Variants in NAALADL2 observed in about 807,000 individuals in gnomAD.
The protein encoded by NAALADL2 is inactive N-acetylated-alpha-linked acidic dipeptidase-like protein 2.
A neutral mutation model predicts 87.2 loss-of-function variants in NAALADL2; 76 were observed. That is an observed-to-expected ratio of 0.87 (90% CI 0.72 to 1.05). The LOEUF (loss-of-function observed/expected upper bound fraction) is 1.05, where lower values mean the gene tolerates loss of function less well. Ranked by LOEUF, NAALADL2 falls within the 50% of genes least tolerant of loss-of-function variation. The probability of loss-of-function intolerance (pLI) is 0.00; values close to 1 mark genes in which losing one functional copy is unlikely to be tolerated. For synonymous variants in NAALADL2, 354 were observed against 331.0 expected, an observed-to-expected ratio of 1.07 and a Z score of -0.75; for missense variants, 1,089 against 945.8, an observed-to-expected ratio of 1.15 and a Z score of -1.99.
chr3:174,951,380 T>A (rs141075742), intron 1 of NAALADL2, among the ~76,000 whole-genome samples: 13 of 152,168 alleles, frequency 8.5e-5, no homozygotes, highest in African/African-American at 2.9e-4. Context: ...GCTCACATTA[T>A]GAACAAATAT....
At chr3:174,600,361 A>G (rs1718320478) in intron 2 of NAALADL2, among the ~76,000 whole-genome samples, 1 of 152,128 alleles carries the variant, frequency 6.6e-6, no homozygotes, top group Admixed American at 6.6e-5. Context: ...ATAGTTGGTC[A>G]AATACAGTTG....
intron 5 of NAALADL2, among the ~76,000 whole-genome samples, chr3:175,351,287 A>G (rs1339140324): frequency 6.6e-6 from 1 of 152,118 alleles, no homozygotes; most frequent in Non-Finnish European, 1.5e-5. Context: ...ACTCATGATC[A>G]AGTAAATTGA....
intron 2 of NAALADL2, among the ~76,000 whole-genome samples, chr3:174,676,947 A>G (rs1354576313): frequency 6.6e-6 from 1 of 151,918 alleles, no homozygotes; most frequent in Non-Finnish European, 1.5e-5. Context: ...GGTATATATA[A>G]TTATATTCAT....
chr3:175,177,933 T>C (rs1317712944), intron 2 of NAALADL2, among the ~76,000 whole-genome samples: 1 of 151,396 alleles, frequency 6.6e-6, no homozygotes, highest in African/African-American at 2.4e-5. Context: ...TATTGTCTAT[T>C]AATAGGCTGT....
At chr3:174,880,001 C>T (rs1436114352) in intron 1 of NAALADL2, among the ~76,000 whole-genome samples, 1 of 152,014 alleles carries the variant, frequency 6.6e-6, no homozygotes, top group African/African-American at 2.4e-5. Flanking sequence ...ATTTATTAGT[C>T]ACTCCTTGTT....
chr3:175,325,288 A>G (rs1303313130), intron 5 of NAALADL2, among the ~76,000 whole-genome samples: 1 of 152,228 alleles, frequency 6.6e-6, no homozygotes, highest in Non-Finnish European at 1.5e-5. Flanking sequence ...CATATGAATT[A>G]TAACTTATGA....
intron 2 of NAALADL2, among the ~76,000 whole-genome samples, chr3:174,559,731 A>G (rs779189599): frequency 6.6e-6 from 1 of 152,166 alleles, no homozygotes; most frequent in Admixed American, 6.5e-5. Context: ...GAAAGAAGGC[A>G]GGAGGGTCCC....
intron 2 of NAALADL2, among the ~76,000 whole-genome samples, chr3:174,694,976 G>T (rs560740845): frequency 2.0e-5 from 3 of 151,988 alleles, no homozygotes; most frequent in Non-Finnish European, 4.4e-5. Context: ...TAGATTAGAA[G>T]CAAGGAATTC....
intron 1 of NAALADL2, among the ~76,000 whole-genome samples, chr3:175,023,737 C>T (rs753384835): frequency 2.0e-5 from 3 of 152,062 alleles, no homozygotes; most frequent in Non-Finnish European, 4.4e-5. Flanking sequence ...TGTGATTCAA[C>T]AAGAGACCAA....
chr3:175,708,917 C>T (rs1740124413), intron 11 of NAALADL2, among the ~76,000 whole-genome samples: 1 of 151,834 alleles, frequency 6.6e-6, no homozygotes, highest in Non-Finnish European at 1.5e-5. Flanking sequence ...CAATGGAAAA[C>T]TACTCATGTA....
intron 3 of NAALADL2, among the ~76,000 whole-genome samples, chr3:174,841,708 T>C (rs1724043066): frequency 6.6e-6 from 1 of 152,228 alleles, no homozygotes; most frequent in Non-Finnish European, 1.5e-5. Context: ...CATTTGAACA[T>C]TTTCATTGCA....
chr3:174,828,319 A>G (rs370199250), intron 3 of NAALADL2, among the ~76,000 whole-genome samples: 1 of 152,228 alleles, frequency 6.6e-6, no homozygotes, highest in Non-Finnish European at 1.5e-5. Flanking sequence ...CCTGATTAAT[A>G]TCAGTATCAT....
chr3:175,106,376 T>A (rs1027939095), intron 2 of NAALADL2, among the ~76,000 whole-genome samples: 2 of 152,060 alleles, frequency 1.3e-5, no homozygotes, highest in African/African-American at 4.8e-5. Flanking sequence ...GGATCATCTG[T>A]GATACTGGCT....
At chr3:175,513,912 A>G (rs551005943) in intron 9 of NAALADL2, among the ~76,000 whole-genome samples, 1 of 152,358 alleles carries the variant, frequency 6.6e-6, no homozygotes, top group South Asian at 2.1e-4. Flanking sequence ...AAAGGGTGAG[A>G]GGATCAAAAA....
At chr3:175,551,725 C>G (rs116597785) in intron 9 of NAALADL2, among the ~76,000 whole-genome samples, 3 of 151,948 alleles carry the variant, frequency 2.0e-5, no homozygotes, top group Non-Finnish European at 2.9e-5. Flanking sequence ...CGGTGAACCC[C>G]GTCTACACTA....
intron 1 of NAALADL2, among the ~76,000 whole-genome samples, chr3:174,987,564 G>C (rs1343583662): frequency 2.0e-5 from 1 of 51,088 alleles, no homozygotes; most frequent in African/African-American, 1.4e-4. Flanking sequence ...GCGAGACTCC[G>C]TCTCAAAAAA....
chr3:175,355,635 C>T (rs531412099), intron 5 of NAALADL2, among the ~76,000 whole-genome samples: 1 of 152,204 alleles, frequency 6.6e-6, no homozygotes, highest in Admixed American at 6.5e-5. Flanking sequence ...TTTATTTAAA[C>T]ACAGAAATCC....
intron 1 of NAALADL2, among the ~76,000 whole-genome samples, chr3:174,457,587 A>T (rs1715926111): frequency 6.6e-6 from 1 of 152,094 alleles, no homozygotes; most frequent in African/African-American, 2.4e-5. Flanking sequence ...GCACTTTGGG[A>T]GGCTGAGGTG....
At chr3:175,639,460 A>G (rs979656951) in intron 11 of NAALADL2, among the ~76,000 whole-genome samples, 5 of 151,502 alleles carry the variant, frequency 3.3e-5, no homozygotes, top group African/African-American at 1.2e-4. Context: ...AGCTGGGACT[A>G]CAGGTGCCTG....
Sources: gnomAD v4.1 joint callset for allele counts (sites outside exome capture counted in the v4.1 genomes callset) on GRCh38, gnomAD v4.1.1 for gene constraint, MANE v1.5 for transcripts, NCBI Gene and HGNC (gene_info 2026-07-23, HGNC 2026-07-21) for gene names.